RGS22: variants seen among roughly 807,000 people sequenced by gnomAD.
The protein encoded by RGS22 is regulator of G protein signaling 22, also known as regulator of G-protein signaling 22.
In RGS22, 148 loss-of-function variants were observed where a neutral mutation model predicts 172.9. The ratio of observed to expected loss-of-function variants is 0.86; its 90% CI spans 0.75 to 0.98. The LOEUF is 0.98. RGS22 is among the 50% of genes least tolerant of loss of function. The probability of loss-of-function intolerance (pLI) is 0.00; values close to 1 mark genes in which losing one functional copy is unlikely to be tolerated. For synonymous variants in RGS22, 458 were observed against 480.2 expected (o/e 0.95, Z 0.60); for missense variants, 1,347 against 1,440.8 (o/e 0.93, Z 1.05).
chr8:100,005,296 G>A (rs898100031), intron 16 of RGS22, among the ~76,000 whole-genome samples: 1 of 151,972 alleles, frequency 6.6e-6, no homozygotes, highest in Non-Finnish European at 1.5e-5. Context: ...TGTCTTTTCA[G>A]ATATTTCTTT....
chr8:100,009,227 G>C (rs1360479144), intron 14 of RGS22, among the ~76,000 whole-genome samples: 2 of 152,012 alleles, frequency 1.3e-5, no homozygotes. Flanking sequence ...AGATGAGCCT[G>C]GCCAATATGG....
intron 11 of RGS22, among the ~76,000 whole-genome samples, chr8:100,044,880 T>A (rs753911117): frequency 2.0e-5 from 3 of 152,148 alleles, no homozygotes; most frequent in Non-Finnish European, 1.5e-5. Flanking sequence ...TATATCCCAA[T>A]ATATATCCTA....
intron 11 of RGS22, among the ~76,000 whole-genome samples, chr8:100,045,516 C>T (rs896521389): frequency 4.6e-5 from 7 of 151,920 alleles, no homozygotes; most frequent in Non-Finnish European, 8.8e-5. Context: ...AAAAGAAATA[C>T]TGTTTTTAAA....
Position 100,021,551 on chromosome 8 carries a change from G to A in RGS22, c.2167-12982C>T, listed in dbSNP as rs371175521. Reference sequence around the variant, plus strand: ...ATGAGAAATAGAAATGGTACTAATGGATCTTGATTCAGTGTCTGGACCCCA... The same window carrying A: ...ATGAGAAATAGAAATGGTACTAATGAATCTTGATTCAGTGTCTGGACCCCA... On this transcript the variant is annotated intron_variant, in intron 14 of 27. Transcript: ENST00000360863. 3.3e-5 allele frequency among the ~76,000 whole-genome samples: 5 copies of A among 152,236 alleles called. No individual in the cohort carries two copies. The East Asian group carries it at 5.8e-4, about 18-fold the overall frequency.
chr8:100,054,346 T>C (rs986621449), intron 9 of RGS22: 2 of 154,086 alleles, frequency 1.3e-5, no homozygotes, highest in Admixed American at 1.3e-4. Context: ...GTAATCCCAG[T>C]ATTTTGGGAA....
intron 2 of RGS22, among the ~76,000 whole-genome samples, chr8:100,097,119 G>C (rs1813038441): frequency 6.6e-6 from 1 of 152,104 alleles, no homozygotes; most frequent in African/African-American, 2.4e-5. Flanking sequence ...AAGAAGAGAG[G>C]CCAGAAAGCA....
chr8:99,961,016 A>C lies in RGS22; in HGVS notation c.*226T>G. On this transcript the variant is annotated 3_prime_UTR_variant, in exon 28 of 28. Transcript: ENST00000360863. ...TCTTATAGTCTTGTATGTCATGTGT[A>C]CAGAATAGCTATAATTTTAAAACTG... 3.0e-6 allele frequency: 1 copy of C among 336,076 alleles called. No individual in the cohort carries two copies. Among genetic ancestry groups the C allele is most frequent in the South Asian group, 2.6e-5 (1 of 38,544 alleles). 20.8% of individuals were successfully genotyped at this position (336,076 alleles called of 1,614,324 possible). A position where few individuals can be genotyped will look rare whatever the true frequency, so the allele number is the denominator to read the frequency against.
intron 14 of RGS22, among the ~76,000 whole-genome samples, chr8:100,033,784 T>C (rs1294553117): frequency 6.6e-6 from 1 of 152,166 alleles, no homozygotes; most frequent in Non-Finnish European, 1.5e-5. Flanking sequence ...TGGCTTTTCA[T>C]CCATGGCATG....
chr8:100,046,908 G>A (rs956545628), intron 11 of RGS22, among the ~76,000 whole-genome samples: 2 of 151,742 alleles, frequency 1.3e-5, no homozygotes, highest in African/African-American at 2.4e-5. Flanking sequence ...TCTGCCTCCC[G>A]GGTTCAAGTG....
chr8:100,068,448 T>C (rs1309657356), intron 6 of RGS22, among the ~76,000 whole-genome samples: 1 of 151,770 alleles, frequency 6.6e-6, no homozygotes, highest in Non-Finnish European at 1.5e-5. Flanking sequence ...TACAAATGAG[T>C]TTTTTAATCT....
chr8:100,053,094 T>A, intron 9 of RGS22, 118 bp from the exon 10 acceptor site: 1 of 891,258 alleles, frequency 1.1e-6, no homozygotes, highest in South Asian at 1.7e-5. Flanking sequence ...ACCTCTTTTC[T>A]AACAACTTTT....
At position 100,065,627 on chromosome 8, in the gene RGS22, T is replaced by C. The variant is rs150964446; in HGVS notation, c.724+540A>G. 7.2e-5 allele frequency among the ~76,000 whole-genome samples: 11 copies of C among 152,292 alleles called. No homozygotes were observed. The East Asian group carries it at 2.1e-3, about 29-fold the overall frequency. ...TTCTGGAAGATTCCTTTTATTTTTA[T>C]GAAAAGTCAGTATATCCACAAAGCT... On this transcript the variant is annotated intron_variant, in intron 7 of 27. Transcript: ENST00000360863.
intron 2 of RGS22, among the ~76,000 whole-genome samples, chr8:100,098,753 GTCTC>G (rs1038213547): frequency 6.7e-6 from 1 of 149,654 alleles, no homozygotes; most frequent in African/African-American, 2.5e-5. Context: ...CCTTCTCTCT[GTCTC>G]TCTCTCTCTC....
intron 14 of RGS22, among the ~76,000 whole-genome samples, chr8:100,021,492 AG>A (rs1471323334): frequency 6.6e-6 from 1 of 152,232 alleles, no homozygotes; most frequent in Non-Finnish European, 1.5e-5. Context: ...AGAAAGTACA[AG>A]GAACATATTT....
rs1049310803 is a variant in RGS22 at position 99,960,979 on chromosome 8, A to T, written c.*263T>A. On this transcript the variant is annotated 3_prime_UTR_variant, in exon 28 of 28. Transcript: ENST00000360863. ...AGATAGTAGTTGTTTTATTCTAAAT[A>T]AGTTAAACAGTTCTTATAGTCTTGT... 3 of 231,144 alleles carry T rather than the reference A, an allele frequency of 1.3e-5. No individual in the cohort carries two copies. Among genetic ancestry groups the T allele is most frequent in the Non-Finnish European group, 2.6e-5 (3 of 115,004 alleles). 14.3% of individuals were successfully genotyped at this position (231,144 alleles called of 1,614,324 possible).
intron 1 of RGS22, 125 bp downstream of exon 1, chr8:100,105,772 C>A: frequency 1.2e-6 from 1 of 860,438 alleles, no homozygotes; most frequent in Non-Finnish European, 1.7e-6. Context: ...CAGTGAAGCC[C>A]TTTTTTCTCA....
intron 14 of RGS22, among the ~76,000 whole-genome samples, chr8:100,027,343 G>C (rs1408600011): frequency 6.6e-6 from 1 of 152,150 alleles, no homozygotes; most frequent in East Asian, 1.9e-4. Flanking sequence ...CAAGAACTTT[G>C]TCCTAATCAT....
chr8:99,984,960 G>A (rs780062255), intron 21 of RGS22, among the ~76,000 whole-genome samples: 5 of 152,040 alleles, frequency 3.3e-5, no homozygotes, highest in East Asian at 1.9e-4. Flanking sequence ...TAGATATATC[G>A]TAATTTAGTA....
chr8:99,990,738 G>A (rs908839444), intron 20 of RGS22, among the ~76,000 whole-genome samples: 3 of 152,054 alleles, frequency 2.0e-5, no homozygotes, highest in African/African-American at 7.2e-5. Flanking sequence ...AGACTTAAAC[G>A]TCTGAAGAGA....
Sources: allele counts gnomAD v4.1 joint callset (sites outside exome capture counted in the v4.1 genomes callset), GRCh38; gene constraint gnomAD v4.1.1; transcripts MANE v1.5; gene names NCBI Gene and HGNC (gene_info 2026-07-23, HGNC 2026-07-21).